Variants in TRAF3IP2 observed in about 807,000 individuals in gnomAD.
TRAF3IP2 encodes the protein E3 ubiquitin ligase TRAF3IP2.
TRAF3IP2 carries 35 observed loss-of-function variants against 57.9 expected under a neutral mutation model. That is an observed-to-expected ratio of 0.60 (90% CI 0.46 to 0.80). TRAF3IP2 has a LOEUF of 0.80. TRAF3IP2 is among the 30% of genes least tolerant of loss of function. The probability of loss-of-function intolerance (pLI) is 0.00; values close to 1 mark genes in which losing one functional copy is unlikely to be tolerated. For synonymous variants in TRAF3IP2, 251 were observed against 268.9 expected, an observed-to-expected ratio of 0.93 and a Z score of 0.65; for missense variants, 556 against 706.4, an observed-to-expected ratio of 0.79 and a Z score of 2.41.
At chr6:111,564,164 GCACACACACACACACACGAT>G (rs1795544708) in intron 7 of TRAF3IP2, among the ~76,000 whole-genome samples, 2 of 150,222 alleles carry the variant, frequency 1.3e-5, no homozygotes. Context: ...AGTTGCATAC[GCACACACACACACACACGAT>G]CACACAACAC....
intron 1 of TRAF3IP2, chr6:111,597,831 T>C (rs1254390552): frequency 2.2e-6 from 1 of 455,890 alleles, no homozygotes; most frequent in Non-Finnish European, 4.4e-6. Flanking sequence ...TTCCTTTTTT[T>C]TTCCAGGCTT....
At position 111,572,999 on chromosome 6, in the gene TRAF3IP2, T is replaced by C. The variant is rs2128374377; in HGVS notation, c.1202-16A>G. ...AAGACTTTCCCTAAGAGAAAATTTT[T>C]ACATTTATTAGAAACTGATCAAATT... is the stretch of plus-strand genomic sequence containing the variant. On this transcript the variant is annotated splice_polypyrimidine_tract_variant and intron_variant, in intron 4 of 8. Coordinates refer to ENST00000368761, the MANE Select transcript of TRAF3IP2 (RefSeq NM_147686.4). The C allele has an allele frequency of 6.4e-7, 1 of 1,572,990 alleles. No homozygotes were observed. The highest frequency in any genetic ancestry group is 8.7e-7 in the Non-Finnish European group (1 of 1,143,706).
chr6:111,597,907 C>G (rs1367783038), intron 1 of TRAF3IP2: 1 of 455,828 alleles, frequency 2.2e-6, no homozygotes, highest in Non-Finnish European at 4.4e-6. Flanking sequence ...GAGGGCGGTG[C>G]CTGGATTGAA....
rs763843514 is a variant in TRAF3IP2 at position 111,575,796 on chromosome 6, T to G, written c.1048A>C (p.Asn350His). The change falls in exon 4 of 9, where the codon AAT becomes CAT. Residue 350 changes from asparagine to histidine, a missense_variant. Asn to His is a moderately conservative substitution (Grantham distance 68). Coordinates refer to ENST00000368761, the MANE Select transcript of TRAF3IP2 (RefSeq NM_147686.4). ...GACTCCCCAGGAGCACCAGCTCTAT[T>G]AGGTGGCTGGTGATGTGGCTGGTCC... ...HQDQPHHQPP[N>H]RAGAPGESLE... 5.0e-6 allele frequency: 8 copies of G among 1,609,790 alleles called. No homozygotes were observed. Among genetic ancestry groups the G allele is most frequent in the Non-Finnish European group, 6.8e-6 (8 of 1,178,692 alleles).
chr6:111,581,279 G>A (rs1313845515), intron 2 of TRAF3IP2, among the ~76,000 whole-genome samples: 3 of 152,176 alleles, frequency 2.0e-5, no homozygotes, highest in South Asian at 2.1e-4. Flanking sequence ...GCCCAAAGGG[G>A]GTAAGGTGTT....
intron 1 of TRAF3IP2, chr6:111,594,618 T>C (rs1019137574): frequency 5.2e-6 from 2 of 384,814 alleles, no homozygotes; most frequent in Non-Finnish European, 1.0e-5. Flanking sequence ...AATTCTTCAG[T>C]TAAAACTGCT....
chr6:111,593,626 C>G (rs1290222705), intron 1 of TRAF3IP2, among the ~76,000 whole-genome samples: 1 of 152,176 alleles, frequency 6.6e-6, no homozygotes, highest in Non-Finnish European at 1.5e-5. Flanking sequence ...TCTGACGCAA[C>G]AGAAAACTCA....
chr6:111,565,008 G>A (rs1795583621), intron 7 of TRAF3IP2, among the ~76,000 whole-genome samples: 1 of 152,206 alleles, frequency 6.6e-6, no homozygotes. Context: ...TCCCAGGAAT[G>A]ATACCTTTCC....
intron 2 of TRAF3IP2, among the ~76,000 whole-genome samples, chr6:111,586,642 A>T (rs1055616056): frequency 2.0e-5 from 3 of 152,106 alleles, no homozygotes; most frequent in African/African-American, 7.2e-5. Context: ...TTATATATTC[A>T]TTAATGGGTA....
rs549638395 is a variant in TRAF3IP2 at position 111,559,240 on chromosome 6, T to G, written c.*165A>C. ...TTCAAAGCCAGGGTGTGTGGAGGTC[T>G]CCGGGGAAGAGCTCTGCACAACAGG... On this transcript the variant is annotated 3_prime_UTR_variant, in exon 9 of 9. Coordinates refer to ENST00000368761, the MANE Select transcript of TRAF3IP2 (RefSeq NM_147686.4). The G allele has an allele frequency of 9.9e-5, 89 of 897,622 alleles. 2 individuals are homozygous for G. In the South Asian group the frequency reaches 1.7e-3, roughly 17 times the overall value. 55.6% of individuals were successfully genotyped at this position (897,622 alleles called of 1,614,324 possible). A position where few individuals can be genotyped will look rare whatever the true frequency, so the allele number is the denominator to read the frequency against.
At chr6:111,592,124 TAGAAGAC>T (rs1562434023) in intron 1 of TRAF3IP2, 30 bp from the exon 2 acceptor site, 1 of 1,569,040 alleles carries the variant, frequency 6.4e-7, no homozygotes, top group East Asian at 2.2e-5. Flanking sequence ...GCTATAGCCT[TAGAAGAC>T]AGATAAATTC....
At position 111,591,774 on chromosome 6, in the gene TRAF3IP2, C is replaced by A; in HGVS notation, c.313G>T (p.Ala105Ser). ...ACTGCAGAGCACCCAGAAGGGAAAG[C>A]TTTGCCCAGGCCTGGGTGTCTCCTG... is the stretch of plus-strand genomic sequence containing the variant. ...FCRRHPGLGK[A>S]FPSGCSAVSE... is the part of the protein sequence containing the mutation. Residue 105 changes from alanine (A) to serine (S), a missense_variant, in exon 2 of 9, where the codon GCT (alanine) becomes TCT (serine). Ala to Ser is a moderately conservative substitution (Grantham distance 99). This residue lies in a region of TRAF3IP2 where 428 missense variants were observed against 498.7 expected (regional missense o/e 0.86). Transcript: ENST00000368761. This position sits in a 1 kb window ranked among gnomAD's most constrained non-coding sequence, Gnocchi z 4.9. The A allele has an allele frequency of 6.2e-7, 1 of 1,614,220 alleles. No individual in the cohort carries two copies. The highest frequency in any genetic ancestry group is 8.5e-7 in the Non-Finnish European group (1 of 1,180,036).
At chr6:111,587,721 G>T (rs1439505642) in intron 2 of TRAF3IP2, among the ~76,000 whole-genome samples, 10 of 151,936 alleles carry the variant, frequency 6.6e-5, no homozygotes, top group African/African-American at 1.9e-4. Flanking sequence ...ACATGGATGG[G>T]ATCATCACTG....
At chr6:111,587,717 A>T (rs1351132860) in intron 2 of TRAF3IP2, among the ~76,000 whole-genome samples, 2 of 152,248 alleles carry the variant, frequency 1.3e-5, no homozygotes, top group East Asian at 3.9e-4. Context: ...ATAAACATGG[A>T]TGGGATCATC....
chr6:111,598,271 T>C (rs1382519422), intron 1 of TRAF3IP2: 1 of 176,768 alleles, frequency 5.7e-6, no homozygotes, highest in African/African-American at 2.4e-5. Flanking sequence ...TCTGTGCAAT[T>C]TGGCAATAAC....
intron 5 of TRAF3IP2, among the ~76,000 whole-genome samples, chr6:111,571,560 C>G (rs946136170): frequency 6.6e-6 from 1 of 152,096 alleles, no homozygotes. Context: ...ATATTAGTCT[C>G]TATATAATTA....
chr6:111,584,021 T>G (rs1001952965), intron 2 of TRAF3IP2, among the ~76,000 whole-genome samples: 1 of 152,242 alleles, frequency 6.6e-6, no homozygotes, highest in African/African-American at 2.4e-5. Context: ...TGAAGCCATT[T>G]TTCTTCCTAT....
Position 111,559,306 on chromosome 6 carries a change from A to C in TRAF3IP2, c.*99T>G. ...AGGGCCTCTCGGGGAGGAACAGAAA[A>C]AAACCAGCCAGGAGTGCTACCGACC... On this transcript the variant is annotated 3_prime_UTR_variant, in exon 9 of 9. Coordinates refer to ENST00000368761, the MANE Select transcript of TRAF3IP2 (RefSeq NM_147686.4). 1 of 1,507,144 alleles carries C rather than the reference A, an allele frequency of 6.6e-7. No homozygotes were observed. Among genetic ancestry groups the C allele is most frequent in the Non-Finnish European group, 8.9e-7 (1 of 1,127,108 alleles). The allele number at this position is 1,507,144 out of a possible 1,614,324, so 93.4% of individuals were successfully genotyped here. A position where few individuals can be genotyped will look rare whatever the true frequency, so the allele number is the denominator to read the frequency against.
At chr6:111,586,846 G>A (rs1474046840) in intron 2 of TRAF3IP2, 1 of 152,176 alleles carries the variant, frequency 6.6e-6, no homozygotes. Context: ...GTGGGATCTG[G>A]AAGTAGAGGA....
Sources: allele counts gnomAD v4.1 joint callset (sites outside exome capture counted in the v4.1 genomes callset), GRCh38; gene constraint gnomAD v4.1.1; regional missense constraint gnomAD v4.1.1; non-coding constraint Gnocchi (gnomAD v3.1); transcripts MANE v1.5; gene names NCBI Gene and HGNC (gene_info 2026-07-23, HGNC 2026-07-21).